RAPGEF4: variants seen among roughly 807,000 people sequenced by gnomAD.
The protein encoded by RAPGEF4 is Rap guanine nucleotide exchange factor 4.
A neutral mutation model predicts 147.9 loss-of-function variants in RAPGEF4; 66 were observed. That is an observed-to-expected ratio of 0.45 (90% CI 0.37 to 0.55). The LOEUF (loss-of-function observed/expected upper bound fraction) is 0.55, where lower values mean the gene tolerates loss of function less well. Ranked by LOEUF, RAPGEF4 falls within the 20% of genes least tolerant of loss-of-function variation. RAPGEF4 has a pLI of 0.00. For synonymous variants in RAPGEF4, 419 were observed against 442.7 expected (o/e 0.95, Z 0.67); for missense variants, 1,071 against 1,257.3 (o/e 0.85, Z 2.24).
intron 9 of RAPGEF4, 114 bp downstream of exon 9, chr2:172,965,797 A>G: frequency 7.5e-7 from 1 of 1,339,154 alleles, no homozygotes; most frequent in Non-Finnish European, 1.0e-6. Flanking sequence ...CCCTTTAGGG[A>G]CCTGCAGAGC....
At chr2:172,931,172 T>G (rs867224578) in intron 6 of RAPGEF4, among the ~76,000 whole-genome samples, 72 of 6,366 alleles carry the variant, frequency 0.011, 2 homozygotes, top group South Asian at 0.035. Context: ...CAGGCCGGGG[T>G]GGGGGGGGGG....
At position 172,814,383 on chromosome 2, in the gene RAPGEF4, A is replaced by C; in HGVS notation, c.402A>C (p.Glu134Asp). ...CCATCGTTACCAGGGAGAGCAGTGAACTGCTCCGCATCGAGCAGAAGGACT... is the reference window on the plus strand; with the variant it reads ...CCATCGTTACCAGGGAGAGCAGTGACCTGCTCCGCATCGAGCAGAAGGACT... ...HATIVTRESS[E>D]LLRIEQKDFK... is the part of the protein sequence containing the mutation. The change falls in exon 4 of 31, where the codon GAA becomes GAC. Residue 134 changes from glutamate to aspartate, a missense_variant. Transcript: ENST00000397081. The C allele has an allele frequency of 6.2e-7, 1 of 1,614,176 alleles. No homozygotes were observed. The highest frequency in any genetic ancestry group is 8.5e-7 in the Non-Finnish European group (1 of 1,180,028).
chr2:173,041,998 G>T (rs1358844133), intron 29 of RAPGEF4, among the ~76,000 whole-genome samples: 4 of 151,964 alleles, frequency 2.6e-5, no homozygotes, highest in African/African-American at 9.7e-5. Flanking sequence ...CCTGACCTCC[G>T]TGTAACACCG....
chr2:172,790,650 A>G (rs1049453976), intron 1 of RAPGEF4, among the ~76,000 whole-genome samples: 10 of 152,176 alleles, frequency 6.6e-5, no homozygotes, highest in African/African-American at 2.2e-4. Context: ...TGCATATCCA[A>G]GCATGCCACT....
chr2:172,783,775 A>AGT (rs10685817), intron 1 of RAPGEF4, among the ~76,000 whole-genome samples: 29,445 of 147,648 alleles, frequency 0.2, 3,143 homozygotes, highest in East Asian at 0.43. Flanking sequence ...TGTATGTGTG[A>AGT]GTGTGTGTGT....
chr2:173,017,117 A>T (rs1458013421), intron 19 of RAPGEF4, 57 bp from the exon 20 acceptor site: 5 of 1,513,530 alleles, frequency 3.3e-6, no homozygotes, highest in Non-Finnish European at 4.6e-6. Context: ...ATATACAAAT[A>T]AGGCAATTTA....
chr2:172,805,956 T>A (rs1687453085), intron 3 of RAPGEF4, among the ~76,000 whole-genome samples: 1 of 151,864 alleles, frequency 6.6e-6, no homozygotes, highest in African/African-American at 2.4e-5. Flanking sequence ...AAGCAATAAA[T>A]AACAAGCTTA....
intron 4 of RAPGEF4, among the ~76,000 whole-genome samples, chr2:172,850,498 G>A (rs1345926883): frequency 2.0e-5 from 3 of 151,840 alleles, no homozygotes; most frequent in Non-Finnish European, 2.9e-5. Flanking sequence ...GGCACCTATA[G>A]TCCCAGCTAC....
At chr2:172,989,902 T>C (rs1692654563) in intron 14 of RAPGEF4, among the ~76,000 whole-genome samples, 1 of 152,074 alleles carries the variant, frequency 6.6e-6, no homozygotes, top group African/African-American at 2.4e-5. Context: ...TGATTTACAA[T>C]GTCATGCTCC....
chr2:172,762,096 A>G (rs1696404775), intron 1 of RAPGEF4, among the ~76,000 whole-genome samples: 1 of 152,234 alleles, frequency 6.6e-6, no homozygotes, highest in Admixed American at 6.5e-5. Flanking sequence ...CACTCCAGCC[A>G]TGAGTGAGAC....
At chr2:172,975,958 A>G (rs1691016506) in intron 10 of RAPGEF4, among the ~76,000 whole-genome samples, 1 of 151,400 alleles carries the variant, frequency 6.6e-6, no homozygotes, top group Admixed American at 6.6e-5. Flanking sequence ...TCTAAATGTG[A>G]TCAAACCACA....
At chr2:172,824,446 A>G (rs1689443041) in intron 4 of RAPGEF4, among the ~76,000 whole-genome samples, 1 of 152,204 alleles carries the variant, frequency 6.6e-6, no homozygotes, top group South Asian at 2.1e-4. Flanking sequence ...CTGAGATGCT[A>G]TGATTGAATA....
chr2:172,759,690 G>C (rs762076996), intron 1 of RAPGEF4, among the ~76,000 whole-genome samples: 7 of 152,232 alleles, frequency 4.6e-5, no homozygotes, highest in Admixed American at 6.5e-5. Flanking sequence ...CTGTAAATGA[G>C]TTTCTGGTTT....
chr2:172,982,353 A>C (rs1018245324), intron 10 of RAPGEF4, among the ~76,000 whole-genome samples: 4 of 152,224 alleles, frequency 2.6e-5, no homozygotes, highest in Non-Finnish European at 5.9e-5. Flanking sequence ...GTAATAGATA[A>C]TATTCATAAC....
intron 1 of RAPGEF4, among the ~76,000 whole-genome samples, chr2:172,790,871 T>C (rs896354232): frequency 5.9e-5 from 9 of 152,146 alleles, no homozygotes; most frequent in African/African-American, 1.9e-4. Context: ...GGAGAGTGTC[T>C]TGGTCTGTTT....
At chr2:172,926,180 T>TA (rs1160915821) in intron 6 of RAPGEF4, among the ~76,000 whole-genome samples, 1 of 152,218 alleles carries the variant, frequency 6.6e-6, no homozygotes, top group Non-Finnish European at 1.5e-5. Flanking sequence ...GAATTCTCTT[T>TA]GATCTATTAA....
intron 1 of RAPGEF4, among the ~76,000 whole-genome samples, chr2:172,759,531 A>G (rs1696094376): frequency 6.6e-6 from 1 of 152,198 alleles, no homozygotes; most frequent in Non-Finnish European, 1.5e-5. Context: ...GAAGCAAATG[A>G]TCACAGCTGA....
intron 1 of RAPGEF4, among the ~76,000 whole-genome samples, chr2:172,783,991 T>C (rs1027858646): frequency 1.3e-5 from 2 of 152,190 alleles, no homozygotes; most frequent in Admixed American, 6.5e-5. Flanking sequence ...ATGAAGTCTT[T>C]TTAGAAATTT....
At chr2:172,941,370 C>T (rs1002525451) in intron 6 of RAPGEF4, among the ~76,000 whole-genome samples, 1 of 152,020 alleles carries the variant, frequency 6.6e-6, no homozygotes, top group Non-Finnish European at 1.5e-5. Flanking sequence ...TCTGGTGCAG[C>T]GTCATTTATT....
Sources: allele counts gnomAD v4.1 joint callset (sites outside exome capture counted in the v4.1 genomes callset), GRCh38; gene constraint gnomAD v4.1.1; transcripts MANE v1.5; gene names NCBI Gene and HGNC (gene_info 2026-07-23, HGNC 2026-07-21).